The following PKP4 variants were observed in gnomAD, a reference collection of about 807,000 sequenced individuals.
The protein encoded by PKP4 is plakophilin-4.
PKP4 carries 90 observed loss-of-function variants against 145.1 expected under a neutral mutation model. That is an observed-to-expected ratio of 0.62 (90% confidence interval 0.52 to 0.74). PKP4 has a LOEUF of 0.74. Among genes scored for constraint, PKP4 ranks in the 30% least tolerant of loss-of-function variants. The pLI, the probability that PKP4 is intolerant of heterozygous loss-of-function variation, is 0.00. For synonymous variants in PKP4, 563 were observed against 577.2 expected, an observed-to-expected ratio of 0.98 and a Z score of 0.35; for missense variants, 1,340 against 1,482.7, an observed-to-expected ratio of 0.90 and a Z score of 1.58.
At chr2:158,517,169 CTTTTA>C (rs2042004023) in intron 1 of PKP4, among the ~76,000 whole-genome samples, 1 of 152,100 alleles carries the variant, frequency 6.6e-6, no homozygotes, top group Non-Finnish European at 1.5e-5. Context: ...GAAAACAAAT[CTTTTA>C]TTTAAACAGA....
chr2:158,473,443 TGTG>T (rs1310415893), intron 1 of PKP4, among the ~76,000 whole-genome samples: 1 of 152,126 alleles, frequency 6.6e-6, no homozygotes, highest in Non-Finnish European at 1.5e-5. Context: ...ATAAAGAAAA[TGTG>T]GTACATATAC....
chr2:158,567,006 G>T (rs2105754909), intron 2 of PKP4, among the ~76,000 whole-genome samples: 1 of 152,296 alleles, frequency 6.6e-6, no homozygotes, highest in East Asian at 1.9e-4. Flanking sequence ...TTTTTGATAT[G>T]CAGGACGTGA....
At position 158,621,433 on chromosome 2, in the gene PKP4, G is replaced by A. The variant is rs375356656; in HGVS notation, c.603+12G>A. On this transcript the variant is annotated intron_variant, in intron 6 of 21. Coordinates refer to ENST00000389759, the MANE Select transcript of PKP4 (RefSeq NM_003628.6). ...AAACACTGGTTCAGGTAAGCCAAACGCATCAAGATCTCTGCAAAGAAATAC... is the reference window on the plus strand; with the variant it reads ...AAACACTGGTTCAGGTAAGCCAAACACATCAAGATCTCTGCAAAGAAATAC... 7.5e-6 allele frequency: 12 copies of A among 1,609,614 alleles called. No individual in the cohort carries two copies. Among genetic ancestry groups the A allele is most frequent in the Admixed American group, 1.7e-5 (1 of 59,910 alleles).
At chr2:158,678,485 G>C in intron 20 of PKP4, 96 bp from the exon 21 acceptor site, 2 of 847,820 alleles carry the variant, frequency 2.4e-6, no homozygotes, top group South Asian at 1.4e-5. Context: ...AGGCCCTGTC[G>C]GGGACAGTGC....
chr2:158,597,579 T>G (rs2049864028), intron 3 of PKP4, among the ~76,000 whole-genome samples: 1 of 152,168 alleles, frequency 6.6e-6, no homozygotes, highest in Non-Finnish European at 1.5e-5. Flanking sequence ...GGAAGGATGA[T>G]TGTTGGTCAC....
chr2:158,486,009 C>T (rs1574051765), intron 1 of PKP4, among the ~76,000 whole-genome samples: 2 of 151,932 alleles, frequency 1.3e-5, no homozygotes, highest in East Asian at 3.9e-4. Flanking sequence ...TTTTTTATTT[C>T]TAATTAAATC....
intron 8 of PKP4, among the ~76,000 whole-genome samples, chr2:158,633,381 T>C (rs572748873): frequency 1.0e-3 from 157 of 152,334 alleles, no homozygotes; most frequent in Non-Finnish European, 1.9e-3. Flanking sequence ...ACAGTAAATC[T>C]AATAGTCAAG....
At chr2:158,506,607 T>G (rs535207263) in intron 1 of PKP4, among the ~76,000 whole-genome samples, 1 of 152,248 alleles carries the variant, frequency 6.6e-6, no homozygotes, top group African/African-American at 2.4e-5. Flanking sequence ...TAGTTTCTAC[T>G]CTCTTTAAAT....
At chr2:158,650,777 G>T (rs2055288448) in intron 11 of PKP4, among the ~76,000 whole-genome samples, 1 of 152,182 alleles carries the variant, frequency 6.6e-6, no homozygotes, top group Non-Finnish European at 1.5e-5. Flanking sequence ...GCCCCATGAG[G>T]ATTATGCATC....
chr2:158,460,982 A>G (rs182273648), intron 1 of PKP4, among the ~76,000 whole-genome samples: 1 of 152,334 alleles, frequency 6.6e-6, no homozygotes, highest in African/African-American at 2.4e-5. Flanking sequence ...AACTTTTAAG[A>G]TACGTGGATG....
chr2:158,665,710 T>A (rs1256658070), intron 15 of PKP4: 4 of 152,232 alleles, frequency 2.6e-5, no homozygotes, highest in Non-Finnish European at 5.9e-5. Flanking sequence ...TTCCATTTTA[T>A]AAGATATACA....
intron 21 of PKP4, chr2:158,679,494 A>G (rs1289769631): frequency 6.6e-6 from 1 of 152,212 alleles, no homozygotes; most frequent in Non-Finnish European, 1.5e-5. Context: ...TGAAAGGAGA[A>G]TTTAGCTCTG....
intron 1 of PKP4, among the ~76,000 whole-genome samples, chr2:158,484,337 G>C (rs1475040592): frequency 6.6e-6 from 1 of 152,184 alleles, no homozygotes; most frequent in South Asian, 2.1e-4. Context: ...GTGAGCCACC[G>C]CGCCCGGCCT....
intron 4 of PKP4, among the ~76,000 whole-genome samples, chr2:158,606,237 G>A (rs1286973383): frequency 2.6e-5 from 4 of 151,926 alleles, no homozygotes; most frequent in African/African-American, 7.3e-5. Context: ...TAAAAATAAC[G>A]GTTCTACAGG....
At chr2:158,538,028 A>G (rs563117566) in intron 2 of PKP4, among the ~76,000 whole-genome samples, 3 of 152,184 alleles carry the variant, frequency 2.0e-5, no homozygotes, top group Non-Finnish European at 2.9e-5. Flanking sequence ...AAAAAAAGAA[A>G]GAAAAATGTG....
intron 1 of PKP4, among the ~76,000 whole-genome samples, chr2:158,499,794 C>G (rs557562554): frequency 1.3e-5 from 2 of 152,254 alleles, no homozygotes; most frequent in Admixed American, 1.3e-4. Flanking sequence ...AAAACTGCAC[C>G]TGCCCATAGA....
chr2:158,579,413 G>A (rs1055724866), intron 3 of PKP4, among the ~76,000 whole-genome samples: 4 of 150,436 alleles, frequency 2.7e-5, no homozygotes, highest in African/African-American at 7.4e-5. Context: ...TGCTTTGTTC[G>A]TCATGTATTT....
chr2:158,500,101 A>G (rs1195672489), intron 1 of PKP4, among the ~76,000 whole-genome samples: 2 of 152,216 alleles, frequency 1.3e-5, no homozygotes, highest in East Asian at 3.8e-4. Context: ...TGTATTTTAC[A>G]TTCATGAATA....
At chr2:158,602,999 A>G in intron 3 of PKP4, 71 bp from the exon 4 acceptor site, 1 of 861,670 alleles carries the variant, frequency 1.2e-6, no homozygotes. Flanking sequence ...GTTAATATGC[A>G]AAACAGGTCC....
Sources: allele counts gnomAD v4.1 joint callset (sites outside exome capture counted in the v4.1 genomes callset), GRCh38; gene constraint gnomAD v4.1.1; transcripts MANE v1.5; gene names NCBI Gene and HGNC (gene_info 2026-07-23, HGNC 2026-07-21).